AASDH: variants seen among roughly 807,000 people sequenced by gnomAD.
The protein encoded by AASDH is aminoadipate-semialdehyde dehydrogenase.
Under a neutral mutation model 102.3 loss-of-function variants are expected in AASDH, and 81 were observed. That is an observed-to-expected ratio of 0.79 (90% CI 0.66 to 0.95). The LOEUF (loss-of-function observed/expected upper bound fraction) is 0.95, where lower values mean the gene tolerates loss of function less well. Ranked by LOEUF, AASDH falls within the 40% of genes least tolerant of loss-of-function variation. The pLI is 0.00. For missense variants in AASDH, 1,203 were observed against 1,266.2 expected (o/e 0.95, Z 0.76); for synonymous variants, 398 against 454.0 (o/e 0.88, Z 1.57).
intron 3 of AASDH, chr4:56,382,074 C>A (rs1340083554): frequency 6.5e-6 from 1 of 152,850 alleles, no homozygotes; most frequent in Admixed American, 6.5e-5. Flanking sequence ...TAAAATTTTG[C>A]AGTATAGGAA....
At chr4:56,353,355 C>A in intron 9 of AASDH, 49 bp downstream of exon 9, 1 of 1,404,290 alleles carries the variant, frequency 7.1e-7, no homozygotes. Flanking sequence ...GTTATGAATA[C>A]AATTAGTATT....
chr4:56,375,079 CT>C (rs879602905), intron 4 of AASDH, among the ~76,000 whole-genome samples: 224 of 145,180 alleles, frequency 1.5e-3, no homozygotes, highest in Non-Finnish European at 1.4e-3. Flanking sequence ...TCAGCTTTGT[CT>C]TTTTTTTTTT....
At chr4:56,339,346 C>T (rs1349342960) in intron 14 of AASDH, among the ~76,000 whole-genome samples, 1 of 151,858 alleles carries the variant, frequency 6.6e-6, no homozygotes, top group Non-Finnish European at 1.5e-5. Flanking sequence ...GAGGTTTCAC[C>T]ATGTTAGCCA....
At chr4:56,386,966 G>A (rs1172271443) in intron 1 of AASDH, among the ~76,000 whole-genome samples, 2 of 152,052 alleles carry the variant, frequency 1.3e-5, no homozygotes, top group African/African-American at 4.8e-5. Flanking sequence ...CTCTCTCTAG[G>A]CCACTGGCTG....
chr4:56,351,089 G>T (rs958277104), intron 10 of AASDH, among the ~76,000 whole-genome samples: 1 of 152,144 alleles, frequency 6.6e-6, no homozygotes, highest in African/African-American at 2.4e-5. Flanking sequence ...GTCAAAACAG[G>T]CTTTGTCTAC....
At chr4:56,382,834 T>C (rs937773828) in intron 2 of AASDH, among the ~76,000 whole-genome samples, 1 of 152,092 alleles carries the variant, frequency 6.6e-6, no homozygotes, top group African/African-American at 2.4e-5. Context: ...CTTTGGGAGG[T>C]TGAGGCGAGC....
intron 14 of AASDH, 140 bp from the exon 15 acceptor site, chr4:56,338,931 T>C (rs1747266711): frequency 2.4e-6 from 2 of 829,116 alleles, no homozygotes; most frequent in South Asian, 3.8e-5. Flanking sequence ...AAATGGCTTT[T>C]TCTGAAAAGT....
rs181258862 is a variant in AASDH at position 56,356,019 on chromosome 4, G to T, written c.862-596C>A. 12 of 501,426 alleles carry T rather than the reference G, an allele frequency of 2.4e-5. No individual in the cohort carries two copies. The Admixed American group carries it at 2.8e-4, about 12-fold the overall frequency. The allele number at this position is 501,426 out of a possible 1,614,324, so 31.1% of individuals were successfully genotyped here. ...ATACTGATTACACAAAAAGGTTTAGGATAAAAAGGACAAAATCTATAAAAT... is the reference window on the plus strand; with the variant it reads ...ATACTGATTACACAAAAAGGTTTAGTATAAAAAGGACAAAATCTATAAAAT... On this transcript the variant is annotated intron_variant, in intron 5 of 14. Transcript: ENST00000205214.
chr4:56,379,268 G>A (rs183496701), intron 3 of AASDH, among the ~76,000 whole-genome samples: 4 of 152,208 alleles, frequency 2.6e-5, no homozygotes, highest in Admixed American at 1.3e-4. Context: ...TGAGTAGCTG[G>A]AACTACAGGT....
intron 5 of AASDH, among the ~76,000 whole-genome samples, chr4:56,363,560 T>C (rs1750592356): frequency 6.6e-6 from 1 of 152,168 alleles, no homozygotes. Flanking sequence ...CATTTGCAGT[T>C]CACCAATATC....
intron 4 of AASDH, among the ~76,000 whole-genome samples, chr4:56,373,531 G>A (rs1274902091): frequency 6.6e-6 from 1 of 152,118 alleles, no homozygotes. Context: ...AAGAAGGGCA[G>A]GAAAAGGTCA....
intron 13 of AASDH, 64 bp from the exon 14 acceptor site, chr4:56,343,030 AAAC>A: frequency 1.4e-6 from 2 of 1,394,422 alleles, no homozygotes; most frequent in Non-Finnish European, 1.9e-6. Context: ...ACCCTTTAAA[AAAC>A]AAACTCATAC....
intron 2 of AASDH, among the ~76,000 whole-genome samples, chr4:56,382,848 T>A (rs549550796): frequency 6.6e-6 from 1 of 152,316 alleles, no homozygotes; most frequent in African/African-American, 2.4e-5. Context: ...GGCGAGCGAA[T>A]CACCTGAGGT....
At chr4:56,354,652 A>G (rs896076278) in intron 7 of AASDH, 53 bp downstream of exon 7, 85 of 1,303,534 alleles carry the variant, frequency 6.5e-5, no homozygotes, top group Non-Finnish European at 9.0e-5. Context: ...AAATTAACAC[A>G]TCAGATCATT....
chr4:56,356,756 T>A, intron 5 of AASDH: 1 of 725,134 alleles, frequency 1.4e-6, no homozygotes, highest in Non-Finnish European at 2.5e-6. Flanking sequence ...CAGGTTAACT[T>A]GGAAGACAAA....
At chr4:56,347,439 T>C (rs1748451932) in intron 11 of AASDH, among the ~76,000 whole-genome samples, 2 of 152,088 alleles carry the variant, frequency 1.3e-5, no homozygotes, top group African/African-American at 4.8e-5. Flanking sequence ...GAAGATTCCA[T>C]GAGCGTATAA....
intron 5 of AASDH, among the ~76,000 whole-genome samples, chr4:56,362,589 T>C (rs562288853): frequency 6.6e-6 from 1 of 152,304 alleles, no homozygotes; most frequent in South Asian, 2.1e-4. Flanking sequence ...GAGCCCTGCT[T>C]CATGTCCAAT....
Position 56,384,331 on chromosome 4 carries a change from A to T in AASDH, c.-32T>A, listed in dbSNP as rs748288914. The T allele has an allele frequency of 5.1e-5, 82 of 1,592,922 alleles. No individual in the cohort carries two copies. The highest frequency in any genetic ancestry group is 9.9e-5 in the South Asian group (9 of 90,658). On this transcript the variant is annotated 5_prime_UTR_variant, in exon 2 of 15. Coordinates refer to ENST00000205214, the MANE Select transcript of AASDH (RefSeq NM_181806.4). ...GAAGTTTATCTAAACATCAATTTGT[A>T]GCACAGAACCCTGTGTATATACAGA...
intron 5 of AASDH, among the ~76,000 whole-genome samples, chr4:56,357,221 T>C (rs1749741003): frequency 6.6e-6 from 1 of 152,178 alleles, no homozygotes; most frequent in South Asian, 2.1e-4. Context: ...CTGACGGTTC[T>C]GGAGATGGGG....
Sources: gnomAD v4.1 joint callset for allele counts (sites outside exome capture counted in the v4.1 genomes callset) on GRCh38, gnomAD v4.1.1 for gene constraint, MANE v1.5 for transcripts, NCBI Gene and HGNC (gene_info 2026-07-23, HGNC 2026-07-21) for gene names.